Variants in CPS1 observed in about 807,000 individuals in gnomAD.
The protein encoded by CPS1 is carbamoyl-phosphate synthase [ammonia], mitochondrial.
Under a neutral mutation model 174.6 loss-of-function variants are expected in CPS1, and 109 were observed. That is an observed-to-expected ratio of 0.62 (90% confidence interval 0.53 to 0.73). The LOEUF is 0.73. Ranked by LOEUF, CPS1 falls within the 30% of genes least tolerant of loss-of-function variation. The pLI is 0.00. For missense variants in CPS1, 1,689 were observed against 1,821.9 expected, an observed-to-expected ratio of 0.93 and a Z score of 1.33; for synonymous variants, 637 against 632.0, an observed-to-expected ratio of 1.01 and a Z score of -0.12.
At chr2:210,669,878 T>A (rs1430635419) in intron 34 of CPS1, among the ~76,000 whole-genome samples, 1 of 152,134 alleles carries the variant, frequency 6.6e-6, no homozygotes, top group Non-Finnish European at 1.5e-5. Flanking sequence ...CTAATCATAA[T>A]AGTGCTAACA....
chr2:210,523,814 T>C (rs1388375198), intron 1 of CPS1, among the ~76,000 whole-genome samples: 5 of 151,962 alleles, frequency 3.3e-5, no homozygotes, highest in African/African-American at 1.2e-4. Flanking sequence ...GAGGCAGAGA[T>C]GGACTGGAAA....
rs138750450 is a variant in CPS1, at chr2:210,531,031, A to C, written c.4-25688A>C. Among the ~76,000 whole-genome samples the C allele has an allele frequency of 4.8e-3, 735 of 152,186 alleles. 7 individuals carry two copies. The highest frequency in any genetic ancestry group is 0.017 in the African/African-American group (697 of 41,534). On this transcript the variant is annotated intron_variant, in intron 1 of 38. Transcript: ENST00000430249. The stretch of plus-strand genomic sequence containing the variant: ...TATTGTTTAAATACTTTGACAAATA[A>C]CTGGTAATATTGCCCTAAAAACTCT...
At chr2:210,482,029 C>T (rs1694582487) in intron 1 of CPS1, among the ~76,000 whole-genome samples, 1 of 152,178 alleles carries the variant, frequency 6.6e-6, no homozygotes, top group Non-Finnish European at 1.5e-5. Flanking sequence ...CTGGGCTGAG[C>T]CTCAAAGCCT....
intron 4 of CPS1, among the ~76,000 whole-genome samples, chr2:210,578,412 C>A (rs1309908180): frequency 6.6e-6 from 1 of 152,108 alleles, no homozygotes; most frequent in Admixed American, 6.6e-5. Context: ...CCGCGCCCAG[C>A]CATAAATATT....
rs754955752 is a variant in CPS1, at chr2:210,599,452, T to C, written c.1440T>C (p.Asp480=). ...QTNEVGLKQA[D]TVYFLPITPQ... is the part of the protein sequence containing the mutation. The stretch of plus-strand genomic sequence containing the variant: ...ATGAGGTGGGCTTAAAGCAAGCGGA[T>C]ACTGTCTACTTTCTTCCCATCACCC... Residue 480 remains aspartate, a synonymous_variant, in exon 14 of 38, where the codon GAT becomes GAC. Coordinates refer to ENST00000233072, the MANE Select transcript of CPS1 (RefSeq NM_001875.5). The C allele has an allele frequency of 3.1e-6, 5 of 1,612,606 alleles. No individual in the cohort carries two copies. The Admixed American group carries it at 8.4e-5, about 27-fold the overall frequency.
intron 1 of CPS1, among the ~76,000 whole-genome samples, chr2:210,513,922 A>G (rs1695602230): frequency 6.6e-6 from 1 of 152,082 alleles, no homozygotes; most frequent in Non-Finnish European, 1.5e-5. Context: ...CAGATATCCC[A>G]GGACAATTTA....
rs1553718852 is a variant in CPS1, at chr2:210,497,916, A to ATATATATATATATATATT, written c.3+20153_3+20154insATATATATATATATTTAT. Among the ~76,000 whole-genome samples the ATATATATATATATATATT allele has an allele frequency of 2.1e-5, 3 of 140,614 alleles. 1 individual carries two copies. Among genetic ancestry groups the ATATATATATATATATATT allele is most frequent in the Non-Finnish European group, 4.6e-5 (3 of 65,494 alleles). 92.2% of individuals were successfully genotyped at this position (140,614 alleles called of 152,430 possible). ...TACATATATATATATATATATATAT[A>ATATATATATATATATATT]TATCTCCAGTAATGCAGTCATGGGG... On this transcript the variant is annotated intron_variant, in intron 1 of 38. Coordinates refer to the CPS1 transcript ENST00000430249.
intron 1 of CPS1, among the ~76,000 whole-genome samples, chr2:210,559,588 C>T (rs1234688142): frequency 6.6e-6 from 1 of 152,032 alleles, no homozygotes; most frequent in Non-Finnish European, 1.5e-5. Context: ...ATACTAAATA[C>T]TAAAAAGTTT....
At chr2:210,493,412 T>A (rs781417682) in intron 1 of CPS1, among the ~76,000 whole-genome samples, 16 of 152,216 alleles carry the variant, frequency 1.1e-4, no homozygotes, top group Non-Finnish European at 2.4e-4. Flanking sequence ...CTTACCATCC[T>A]TTCTGCATCA....
In CPS1 at chr2:210,592,871, T is replaced by G. The variant is rs1698354274; in HGVS notation, c.1087-8T>G. The G allele has an allele frequency of 6.2e-7, 1 of 1,610,906 alleles. No homozygotes were observed. Among genetic ancestry groups the G allele is most frequent in the African/African-American group, 1.3e-5 (1 of 74,754 alleles). ...GAAGGAATTTCTTCCTGTTTCTTAT[T>G]CCTTTAGGGGATTATGCATGAGAGC... is the stretch of plus-strand genomic sequence containing the variant. On this transcript the variant is annotated splice_polypyrimidine_tract_variant and splice_region_variant and intron_variant, in intron 10 of 37. Coordinates refer to ENST00000233072, the MANE Select transcript of CPS1 (RefSeq NM_001875.5).
At chr2:210,578,117 C>A (rs970397811) in intron 4 of CPS1, among the ~76,000 whole-genome samples, 1 of 151,792 alleles carries the variant, frequency 6.6e-6, no homozygotes, top group South Asian at 2.1e-4. Flanking sequence ...AATTTCTTTT[C>A]TTTTTTTTGA....
chr2:210,643,683 A>C (rs1700293222), intron 25 of CPS1, among the ~76,000 whole-genome samples: 1 of 152,128 alleles, frequency 6.6e-6, no homozygotes, highest in Admixed American at 6.5e-5. Context: ...TTACTATTAC[A>C]AAAGAAAGTA....
intron 29 of CPS1, 45 bp downstream of exon 29, chr2:210,654,147 T>A: frequency 6.5e-7 from 1 of 1,539,348 alleles, no homozygotes; most frequent in Non-Finnish European, 9.0e-7. Context: ...CTTCTCATCA[T>A]TTTTTTCTTT....
At chr2:210,565,221 T>C (rs1697261740) in intron 1 of CPS1, among the ~76,000 whole-genome samples, 1 of 152,088 alleles carries the variant, frequency 6.6e-6, no homozygotes, top group Non-Finnish European at 1.5e-5. Context: ...TTATGAATCT[T>C]CCTCCAATAA....
rs139626513 is a variant in CPS1, at chr2:210,616,443, C to G, written c.2589C>G (p.Ser863=). 1.9e-6 allele frequency: 3 copies of G among 1,611,174 alleles called. No individual in the cohort carries two copies. Among genetic ancestry groups the G allele is most frequent in the Non-Finnish European group, 2.5e-6 (3 of 1,177,862 alleles). Reference sequence around the variant, plus strand: ...GGCAGGCCATTGATGACAACATGTCCCTTGATGAGATTGAGAAGCTCACAT... The same window carrying G: ...GGCAGGCCATTGATGACAACATGTCGCTTGATGAGATTGAGAAGCTCACAT... The part of the protein sequence containing the change: ...AIAKAIDDNM[S]LDEIEKLTYI... The change falls in exon 21 of 38, where the codon TCC becomes TCG. Residue 863 remains serine, a synonymous_variant. Coordinates refer to ENST00000233072, the MANE Select transcript of CPS1 (RefSeq NM_001875.5).
chr2:210,487,211 CTT>C (rs149076908), intron 1 of CPS1, among the ~76,000 whole-genome samples: 1,653 of 152,246 alleles, frequency 0.011, 21 homozygotes, highest in African/African-American at 0.035. Context: ...ACATGTCACT[CTT>C]TTGTCTTTTC....
chr2:210,608,367 A>G lies in CPS1; in HGVS notation c.2199A>G (p.Pro733=), dbSNP rs780079490. The part of the protein sequence containing the change: ...SALASKATGY[P]LAFIAAKIAL... Reference sequence around the variant, plus strand: ...ATTTGTCTTCTTTTTATAGCTACCCATTGGCATTCATTGCTGCAAAGATTG... The same window carrying G: ...ATTTGTCTTCTTTTTATAGCTACCCGTTGGCATTCATTGCTGCAAAGATTG... Residue 733 remains proline, a synonymous_variant, in exon 19 of 38, where the codon CCA becomes CCG. Coordinates refer to ENST00000233072, the MANE Select transcript of CPS1 (RefSeq NM_001875.5). 1.9e-6 allele frequency: 3 copies of G among 1,611,920 alleles called. No individual in the cohort carries two copies. The highest frequency in any genetic ancestry group is 2.5e-6 in the Non-Finnish European group (3 of 1,178,610).
At chr2:210,636,897 A>G (rs1486755528) in intron 21 of CPS1, among the ~76,000 whole-genome samples, 1 of 152,212 alleles carries the variant, frequency 6.6e-6, no homozygotes, top group Non-Finnish European at 1.5e-5. Flanking sequence ...AATAAGACAA[A>G]TCTAGTTTGA....
At chr2:210,647,189 G>A (rs573064585) in intron 25 of CPS1, among the ~76,000 whole-genome samples, 15 of 152,222 alleles carry the variant, frequency 9.9e-5, no homozygotes, top group African/African-American at 3.6e-4. Flanking sequence ...CTGGAACTAA[G>A]GGGTAGCTAA....
Sources: allele counts gnomAD v4.1 joint callset (sites outside exome capture counted in the v4.1 genomes callset), GRCh38; gene constraint gnomAD v4.1.1; transcripts MANE v1.5; gene names NCBI Gene and HGNC (gene_info 2026-07-23, HGNC 2026-07-21).